DNM2: variants seen among roughly 807,000 people sequenced by gnomAD.
DNM2 encodes the protein dynamin 2, also known as dynamin-2.
A neutral mutation model predicts 99.0 loss-of-function variants in DNM2; 15 were observed. The ratio of observed to expected loss-of-function variants is 0.15; its 90% CI spans 0.10 to 0.23. DNM2 has a LOEUF of 0.23. DNM2 is among the 10% of genes least tolerant of loss of function. The pLI is 1.00. For missense variants in DNM2, 742 were observed against 1,189.4 expected, an observed-to-expected ratio of 0.62 and a Z score of 5.53; for synonymous variants, 525 against 481.2, an observed-to-expected ratio of 1.09 and a Z score of -1.19.
At chr19:10,759,629 C>A in intron 1 of DNM2, 109 bp from the exon 2 acceptor site, 1 of 1,388,252 alleles carries the variant, frequency 7.2e-7, no homozygotes, top group Non-Finnish European at 1.0e-6. Flanking sequence ...GGTGCCTTTG[C>A]TGAGGTCGCC....
Position 10,734,342 on chromosome 19 carries a change from C to CA in DNM2, c.161+15955dup, listed in dbSNP as rs752387265. On this transcript the variant is annotated intron_variant, in intron 1 of 20. Transcript: ENST00000389253. ...TGGGCAACAGAGGGGGACTCTGTCT[C>CA]AAAAAAAAAAAAAAAAGGAAGGGAG... Among the ~76,000 whole-genome samples the CA allele has an allele frequency of 6.6e-3, 612 of 92,276 alleles. 5 individuals are homozygous for CA. Among genetic ancestry groups the CA allele is most frequent in the East Asian group, 0.017 (63 of 3,702 alleles). The allele number at this position is 92,276 out of a possible 152,430, so 60.5% of individuals were successfully genotyped here. A position where few individuals can be genotyped will look rare whatever the true frequency, so the allele number is the denominator to read the frequency against.
intron 1 of DNM2, among the ~76,000 whole-genome samples, chr19:10,730,414 A>G (rs1264395758): frequency 6.6e-6 from 1 of 152,068 alleles, no homozygotes; most frequent in Non-Finnish European, 1.5e-5. Context: ...TAGCGGTGGA[A>G]CTTGCAGTGA....
rs144528232 is a variant in DNM2 at position 10,805,093 on chromosome 19, A to G, written c.1494-823A>G. On this transcript the variant is annotated intron_variant, in intron 12 of 20. Transcript: ENST00000389253. Reference sequence around the variant, plus strand: ...ATATAAAATATAGTGGGATTTGTCTATGCCGGCATGAACTAGCCAGGAAGT... The same window carrying G: ...ATATAAAATATAGTGGGATTTGTCTGTGCCGGCATGAACTAGCCAGGAAGT... Among the ~76,000 whole-genome samples the G allele has an allele frequency of 5.1e-3, 774 of 152,358 alleles. 9 individuals carry two copies. The highest frequency in any genetic ancestry group is 0.018 in the African/African-American group (745 of 41,586).
In DNM2 at chr19:10,806,053, C is replaced by G. The variant is rs112918005; in HGVS notation, c.1545+86C>G. On this transcript the variant is annotated intron_variant, in intron 13 of 20. Coordinates refer to ENST00000389253, the MANE Select transcript of DNM2 (RefSeq NM_001005361.3). ...GCTAAGCCCCCGTGATGGAGCTCGG[C>G]CTGTGTAAAGCCCCACCCCACAGCC... 8.5e-3 allele frequency: 13,285 copies of G among 1,561,350 alleles called. 84 individuals carry two copies. Among genetic ancestry groups the G allele is most frequent in the Non-Finnish European group, 0.01 (11,580 of 1,136,722 alleles).
chr19:10,766,518 G>T (rs899640426), intron 2 of DNM2, among the ~76,000 whole-genome samples: 4 of 152,110 alleles, frequency 2.6e-5, no homozygotes, highest in African/African-American at 7.2e-5. Flanking sequence ...AGCACAGTGG[G>T]GCCCCAGTTG....
At chr19:10,779,488 T>TTCTC in intron 5 of DNM2, among the ~76,000 whole-genome samples, 2 of 115,484 alleles carry the variant, frequency 1.7e-5, no homozygotes, top group Non-Finnish European at 3.5e-5. Context: ...CTTTCTTTCT[T>TTCTC]TCTTTCTTTC....
chr19:10,814,622 C>T (rs2072671702), intron 15 of DNM2, among the ~76,000 whole-genome samples: 1 of 152,192 alleles, frequency 6.6e-6, no homozygotes, highest in African/African-American at 2.4e-5. Context: ...CCCCACCTTT[C>T]CCAGCCTCTA....
In DNM2 at chr19:10,817,592, C is replaced by A; in HGVS notation, c.1672-2388C>A. 1 of 355,634 alleles carries A rather than the reference C, an allele frequency of 2.8e-6. No homozygotes were observed. Among genetic ancestry groups the A allele is most frequent in the South Asian group, 2.0e-5 (1 of 49,100 alleles). 22.0% of individuals were successfully genotyped at this position (355,634 alleles called of 1,614,324 possible). ...CACCTCTGAGCAGCCAAGGAAACCA[C>A]CACTCTTCCCGAGACGATCCGCTCT... On this transcript the variant is annotated intron_variant, in intron 15 of 20. Coordinates refer to ENST00000389253, the MANE Select transcript of DNM2 (RefSeq NM_001005361.3). This position sits in a 1 kb window ranked among gnomAD's most constrained non-coding sequence, Gnocchi z 4.6.
intron 6 of DNM2, among the ~76,000 whole-genome samples, chr19:10,785,335 G>A (rs2071525065): frequency 6.7e-6 from 1 of 150,080 alleles, no homozygotes; most frequent in Non-Finnish European, 1.5e-5. Flanking sequence ...CACCGTGTTA[G>A]CTGGGATGGT....
intron 1 of DNM2, among the ~76,000 whole-genome samples, chr19:10,744,181 A>AT (rs1568274836): frequency 6.6e-6 from 1 of 152,050 alleles, no homozygotes; most frequent in African/African-American, 2.4e-5. Context: ...TTCTTTAAAA[A>AT]TCAGGCACAC....
At chr19:10,829,004 C>G in intron 18 of DNM2, 32 bp from the exon 19 acceptor site, 1 of 1,600,252 alleles carries the variant, frequency 6.2e-7, no homozygotes, top group Non-Finnish European at 8.5e-7. Flanking sequence ...GGGTGATACA[C>G]AAGCCTGACC....
At position 10,797,608 on chromosome 19, in the gene DNM2, C is replaced by T. The variant is rs573571045; in HGVS notation, c.1335+90C>T. The T allele has an allele frequency of 6.4e-5, 102 of 1,596,394 alleles. No homozygotes were observed. In the Admixed American group the frequency reaches 1.5e-3, roughly 24 times the overall value. The stretch of plus-strand genomic sequence containing the variant: ...CCCGAGCATCTGGAAAATTCAGCCT[C>T]GGCAGGAACCCCCTTCCGCCTACCA... On this transcript the variant is annotated intron_variant, in intron 10 of 20. Transcript: ENST00000389253.
intron 1 of DNM2, among the ~76,000 whole-genome samples, chr19:10,751,992 C>A (rs1004204340): frequency 6.6e-6 from 1 of 152,224 alleles, no homozygotes; most frequent in East Asian, 1.9e-4. Flanking sequence ...TGTACCCTCT[C>A]CCCATTGGCC....
At chr19:10,736,165 T>C (rs1411330533) in intron 1 of DNM2, among the ~76,000 whole-genome samples, 2 of 150,356 alleles carry the variant, frequency 1.3e-5, no homozygotes, top group African/African-American at 4.9e-5. Context: ...ATTGGGAGAC[T>C]GAGGCAGGAG....
chr19:10,824,680 G>A (rs1433092245), intron 17 of DNM2: 2 of 310,802 alleles, frequency 6.4e-6, no homozygotes, highest in Admixed American at 4.4e-5. Flanking sequence ...GCGCACCCCT[G>A]TAATCCCATC....
chr19:10,829,357 A>G, intron 19 of DNM2, 89 bp downstream of exon 19: 2 of 1,502,438 alleles, frequency 1.3e-6, no homozygotes, highest in South Asian at 2.3e-5. Flanking sequence ...GGCAGGAAAC[A>G]GGACACAGCC....
intron 2 of DNM2, among the ~76,000 whole-genome samples, chr19:10,770,224 G>C (rs2070930234): frequency 6.6e-6 from 1 of 152,062 alleles, no homozygotes; most frequent in East Asian, 1.9e-4. Flanking sequence ...CTCCCTTTTT[G>C]CCTTTGCTTG....
chr19:10,791,280 G>C (rs773427600), intron 7 of DNM2, among the ~76,000 whole-genome samples: 1 of 151,932 alleles, frequency 6.6e-6, no homozygotes, highest in Non-Finnish European at 1.5e-5. Context: ...CTAGAGACTG[G>C]ATCTCACTAT....
intron 1 of DNM2, among the ~76,000 whole-genome samples, chr19:10,732,456 T>C (rs1172482809): frequency 6.6e-6 from 1 of 151,416 alleles, no homozygotes; most frequent in Admixed American, 6.6e-5. Flanking sequence ...AAGAATTAGC[T>C]GGGCGTGGTG....
Sources: gnomAD v4.1 joint callset for allele counts (sites outside exome capture counted in the v4.1 genomes callset) on GRCh38, gnomAD v4.1.1 for gene constraint, Gnocchi (gnomAD v3.1) non-coding constraint, MANE v1.5 for transcripts, NCBI Gene and HGNC (gene_info 2026-07-23, HGNC 2026-07-21) for gene names.